The following TCP11L2 variants were observed in gnomAD, a reference collection of about 807,000 sequenced individuals.
The protein encoded by TCP11L2 is t-complex 11 like 2.
Under a neutral mutation model 50.7 loss-of-function variants are expected in TCP11L2, and 39 were observed. The ratio of observed to expected loss-of-function variants is 0.77; its 90% CI spans 0.60 to 1.01. The LOEUF (loss-of-function observed/expected upper bound fraction) is 1.01, where lower values mean the gene tolerates loss of function less well. TCP11L2 is among the 50% of genes least tolerant of loss of function. TCP11L2 has a pLI of 0.00. For synonymous variants in TCP11L2, 192 were observed against 219.3 expected, an observed-to-expected ratio of 0.88 and a Z score of 1.10; for missense variants, 612 against 614.7, an observed-to-expected ratio of 1.00 and a Z score of 0.05.
intron 1 of TCP11L2, chr12:106,307,495 A>G (rs2034679615): frequency 6.6e-6 from 1 of 152,260 alleles, no homozygotes; most frequent in Admixed American, 6.5e-5. Flanking sequence ...GCCTGGTTTC[A>G]TTATCATCAG....
intron 6 of TCP11L2, among the ~76,000 whole-genome samples, chr12:106,328,105 A>G (rs1049346339): frequency 6.6e-6 from 1 of 152,264 alleles, no homozygotes; most frequent in African/African-American, 2.4e-5. Flanking sequence ...TGTGGGACAT[A>G]AATATCACTT....
At chr12:106,324,643 G>T (rs2035475437) in intron 6 of TCP11L2, 1 of 152,242 alleles carries the variant, frequency 6.6e-6, no homozygotes, top group African/African-American at 2.4e-5. Flanking sequence ...GCTCAGGCAA[G>T]AAATGATGGT....
At chr12:106,325,892 GA>G (rs35051819) in intron 6 of TCP11L2, 1,033 of 90,222 alleles carry the variant, frequency 0.011, 16 homozygotes, top group African/African-American at 0.043. Flanking sequence ...CTCCGTCTCG[GA>G]AAAAAAAAAA....
At chr12:106,327,329 G>A (rs1012756594) in intron 6 of TCP11L2, among the ~76,000 whole-genome samples, 2 of 152,114 alleles carry the variant, frequency 1.3e-5, no homozygotes, top group African/African-American at 4.8e-5. Flanking sequence ...AAGTAGCTAG[G>A]ACTACAGGCA....
intron 6 of TCP11L2, among the ~76,000 whole-genome samples, chr12:106,328,263 A>G (rs1489906094): frequency 1.3e-5 from 2 of 152,228 alleles, no homozygotes; most frequent in Non-Finnish European, 2.9e-5. Context: ...TAAACAGTGG[A>G]GGCTGGGCGC....
chr12:106,314,581 GAGAGAGAGAGAGAGAGAGAGAC>G (rs2035006488), intron 3 of TCP11L2, 88 bp downstream of exon 3: 4 of 288,510 alleles, frequency 1.4e-5, no homozygotes, highest in South Asian at 1.4e-4. Flanking sequence ...GTGTGTGAGA[GAGAGAGAGAGAGAGAGAGAGAC>G]AGAGAGAGAG....
chr12:106,319,004 C>G (rs1009279246), intron 4 of TCP11L2, among the ~76,000 whole-genome samples: 1 of 152,080 alleles, frequency 6.6e-6, no homozygotes, highest in Non-Finnish European at 1.5e-5. Context: ...CTCCGCTTCC[C>G]GGGTTCACGC....
rs531268857 is a variant in TCP11L2, at chr12:106,339,985, TAGA to T, written c.1143-838_1143-836del. On this transcript the variant is annotated intron_variant, in intron 8 of 9. Transcript: ENST00000299045. ...TGCTAAGAGCTAAATATTAGACACA[TAGA>T]AGTTCAGTGGTAGAGCCAGGATTTG... 5.6e-4 allele frequency among the ~76,000 whole-genome samples: 85 copies of T among 152,334 alleles called. 1 individual carries two copies. The highest frequency in any genetic ancestry group is 1.9e-3 in the African/African-American group (79 of 41,570).
chr12:106,322,058 G>A (rs1421029907), intron 5 of TCP11L2, among the ~76,000 whole-genome samples: 5 of 152,186 alleles, frequency 3.3e-5, no homozygotes, highest in African/African-American at 9.7e-5. Flanking sequence ...TAGAGCCTCC[G>A]ACAAGGGACC....
At chr12:106,304,406 G>C (rs757348108) in intron 1 of TCP11L2, 14 of 152,306 alleles carry the variant, frequency 9.2e-5, no homozygotes, top group Admixed American at 3.3e-4. Flanking sequence ...ACTTGATGAA[G>C]ACCAGTATTG....
chr12:106,324,483 C>G (rs1010697259), intron 6 of TCP11L2: 1 of 152,132 alleles, frequency 6.6e-6, no homozygotes, highest in Non-Finnish European at 1.5e-5. Flanking sequence ...GGATTTCATT[C>G]CATGTGCGGT....
At chr12:106,338,797 C>T (rs2036001283) in intron 8 of TCP11L2, among the ~76,000 whole-genome samples, 1 of 152,232 alleles carries the variant, frequency 6.6e-6, no homozygotes, top group African/African-American at 2.4e-5. Context: ...TATAAGTGCT[C>T]TCTTTTCTCT....
upstream of TCP11L2, among the ~76,000 whole-genome samples, chr12:106,298,532 T>A (rs997451282): frequency 6.6e-6 from 1 of 152,100 alleles, no homozygotes; most frequent in East Asian, 1.9e-4. Flanking sequence ...TAGTTTAAAA[T>A]TTTTTTTGAG....
upstream of TCP11L2, among the ~76,000 whole-genome samples, chr12:106,302,600 T>C (rs1308510809): frequency 6.6e-6 from 1 of 151,660 alleles, no homozygotes; most frequent in African/African-American, 2.4e-5. Flanking sequence ...CCATCCGAGC[T>C]GTTCTCGGCC....
At chr12:106,299,570 C>T (rs2034381504), upstream of TCP11L2, among the ~76,000 whole-genome samples, 1 of 152,178 alleles carries the variant, frequency 6.6e-6, no homozygotes, top group African/African-American at 2.4e-5. Flanking sequence ...AAGGGTGGGG[C>T]CTTGTGCAAC....
intron 1 of TCP11L2, among the ~76,000 whole-genome samples, chr12:106,306,498 A>C (rs1055855155): frequency 7.9e-5 from 12 of 152,216 alleles, no homozygotes; most frequent in Non-Finnish European, 1.8e-4. Context: ...TATTGTTAAC[A>C]GTGCTATTGA....
chr12:106,299,322 A>C (rs2034380402), upstream of TCP11L2, among the ~76,000 whole-genome samples: 1 of 152,146 alleles, frequency 6.6e-6, no homozygotes, highest in African/African-American at 2.4e-5. Flanking sequence ...CCAGCATTGA[A>C]ACAGACATAA....
upstream of TCP11L2, among the ~76,000 whole-genome samples, chr12:106,298,614 C>A (rs924830488): frequency 6.6e-6 from 1 of 151,484 alleles, no homozygotes; most frequent in Non-Finnish European, 1.5e-5. Context: ...CTCCGCCCCC[C>A]AGGTTCAAGC....
Position 106,336,224 on chromosome 12 carries a change from A to C in TCP11L2, c.1142+11A>C, listed in dbSNP as rs757748619. On this transcript the variant is annotated intron_variant, in intron 8 of 9. Coordinates refer to ENST00000299045, the MANE Select transcript of TCP11L2 (RefSeq NM_152772.3). The stretch of plus-strand genomic sequence containing the variant: ...AGGCATGAACAAAGAGTAAGTTCCA[A>C]ATTTTTGCATCTGCTCCCTCTTGTA... 5 of 1,599,530 alleles carry C rather than the reference A, an allele frequency of 3.1e-6. No individual in the cohort carries two copies. The highest frequency in any genetic ancestry group is 4.3e-6 in the Non-Finnish European group (5 of 1,174,874).
Sources: gnomAD v4.1 joint callset for allele counts (sites outside exome capture counted in the v4.1 genomes callset) on GRCh38, gnomAD v4.1.1 for gene constraint, MANE v1.5 for transcripts, NCBI Gene and HGNC (gene_info 2026-07-23, HGNC 2026-07-21) for gene names.